Variants in CHD5 observed in about 807,000 individuals in gnomAD.
The protein encoded by CHD5 is chromodomain helicase DNA binding protein 5, also known as ATP-dependent chromatin remodeler CHD5.
A neutral mutation model predicts 230.3 loss-of-function variants in CHD5; 69 were observed. The observed-to-expected ratio is 0.30, with a 90% CI of 0.25 to 0.37. The LOEUF is 0.37. Among genes scored for constraint, CHD5 ranks in the 10% least tolerant of loss-of-function variants. The pLI is 1.00. For synonymous variants in CHD5, 1,064 were observed against 1,065.9 expected (o/e 1.00, Z 0.03); for missense variants, 1,827 against 2,622.8 (o/e 0.70, Z 6.63).
rs568751728 is a variant in CHD5 at position 6,105,204 on chromosome 1, C to T, written c.*270G>A. 2.3e-5 allele frequency: 8 copies of T among 345,490 alleles called. No homozygotes were observed. Among genetic ancestry groups the T allele is most frequent in the Admixed American group, 8.5e-5 (2 of 23,630 alleles). The allele number at this position is 345,490 out of a possible 1,614,324, so 21.4% of individuals were successfully genotyped here. ...CTAAGAAGTCGTCTGGAAAAGGTGGCGAGGGGGCACGTCCGGCGTGGTTGT... is the reference window on the plus strand; with the variant it reads ...CTAAGAAGTCGTCTGGAAAAGGTGGTGAGGGGGCACGTCCGGCGTGGTTGT... On this transcript the variant is annotated 3_prime_UTR_variant, in exon 42 of 42. Coordinates refer to ENST00000262450, the MANE Select transcript of CHD5 (RefSeq NM_015557.3). The surrounding 1 kb of genome is among the most constrained non-coding windows in gnomAD (Gnocchi z 4.8).
intron 3 of CHD5, among the ~76,000 whole-genome samples, chr1:6,158,685 T>C (rs912004568): frequency 4.6e-5 from 7 of 151,950 alleles, no homozygotes; most frequent in African/African-American, 1.7e-4. Context: ...CCCAGCACTT[T>C]GGGAGGCCAA....
At chr1:6,147,703 C>G (rs1414502843) in intron 9 of CHD5, among the ~76,000 whole-genome samples, 1 of 152,210 alleles carries the variant, frequency 6.6e-6, no homozygotes, top group African/African-American at 2.4e-5. Flanking sequence ...AGCCTGCTTT[C>G]CCATCTGTAA....
chr1:6,111,255 C>G (rs1666283079), intron 36 of CHD5, among the ~76,000 whole-genome samples: 3 of 150,136 alleles, frequency 2.0e-5, no homozygotes, highest in Admixed American at 2.0e-4. Flanking sequence ...AGAAAAAGGC[C>G]GGGTGTGGTG....
At chr1:6,140,543 C>G (rs1666811289) in intron 15 of CHD5, among the ~76,000 whole-genome samples, 1 of 152,204 alleles carries the variant, frequency 6.6e-6, no homozygotes, top group African/African-American at 2.4e-5. Flanking sequence ...TCACTTGACT[C>G]TGTGGGGTGT....
chr1:6,129,691 G>A lies in CHD5; in HGVS notation c.3387+513C>T, dbSNP rs72852012. Among the ~76,000 whole-genome samples, 714 of 152,184 alleles carry A rather than the reference G, an allele frequency of 4.7e-3. 3 individuals are homozygous for A. Among genetic ancestry groups the A allele is most frequent in the African/African-American group, 0.016 (658 of 41,524 alleles). ...ATGTGTGTGTCCCAGCGCCCGAGAGGGGTGGCCAGGTACACTAGGGTGGCT... is the reference window on the plus strand; with the variant it reads ...ATGTGTGTGTCCCAGCGCCCGAGAGAGGTGGCCAGGTACACTAGGGTGGCT... On this transcript the variant is annotated intron_variant, in intron 22 of 41. Transcript: ENST00000262450. This position sits in a 1 kb window ranked among gnomAD's most constrained non-coding sequence, Gnocchi z 6.8.
At position 6,142,366 on chromosome 1, in the gene CHD5, T is replaced by C. The variant is rs1489021949; in HGVS notation, c.2236-38A>G. On this transcript the variant is annotated intron_variant, in intron 14 of 41. Coordinates refer to ENST00000262450, the MANE Select transcript of CHD5 (RefSeq NM_015557.3). The surrounding 1 kb of genome is among the most constrained non-coding windows in gnomAD (Gnocchi z 5.2). ...GCCGATGCCGTGAGACCACCTGCCC[T>C]TGGCCAGGACCAGCCACCCCTCCTG... 1.9e-6 allele frequency: 3 copies of C among 1,596,670 alleles called. No individual in the cohort carries two copies. The highest frequency in any genetic ancestry group is 1.1e-5 in the South Asian group (1 of 89,792).
chr1:6,136,450 T>C (rs1037559196), intron 17 of CHD5, 67 bp downstream of exon 17: 38 of 1,578,286 alleles, frequency 2.4e-5, no homozygotes, highest in Non-Finnish European at 3.2e-5. Flanking sequence ...GGATGGGCTA[T>C]TGATCCGTCT....
At chr1:6,150,463 T>TGGACGGAC (rs59020358) in intron 7 of CHD5, among the ~76,000 whole-genome samples, 2 of 141,588 alleles carry the variant, frequency 1.4e-5, no homozygotes, top group African/African-American at 2.8e-5. Context: ...GATGGATGGA[T>TGGACGGAC]GGACGGACGG....
chr1:6,172,601 T>A (rs543204585), intron 1 of CHD5, among the ~76,000 whole-genome samples: 2 of 147,666 alleles, frequency 1.4e-5, no homozygotes, highest in East Asian at 4.0e-4. Flanking sequence ...TGCCACTGTT[T>A]GAACACAGGC....
rs1448798453 is a variant in CHD5, at chr1:6,102,027, C to T, written c.*3447G>A. The T allele has an allele frequency of 7.7e-6, 3 of 390,480 alleles. No homozygotes were observed. Among genetic ancestry groups the T allele is most frequent in the Non-Finnish European group, 1.5e-5 (3 of 195,470 alleles). The allele number at this position is 390,480 out of a possible 1,614,324, so 24.2% of individuals were successfully genotyped here. A position where few individuals can be genotyped will look rare whatever the true frequency, so the allele number is the denominator to read the frequency against. On this transcript the variant is annotated 3_prime_UTR_variant, in exon 42 of 42. Transcript: ENST00000262450. ...AGCCCAGGGCCCTCCCTTTGCCAGCCTGGGGCTGTGCCTGGGGAAAGGGGT... is the reference window on the plus strand; with the variant it reads ...AGCCCAGGGCCCTCCCTTTGCCAGCTTGGGGCTGTGCCTGGGGAAAGGGGT...
intron 11 of CHD5, among the ~76,000 whole-genome samples, chr1:6,144,440 G>A (rs150389253): frequency 1.6e-4 from 25 of 152,340 alleles, no homozygotes; most frequent in Middle Eastern, 3.4e-3. Context: ...AGCCTCTGTG[G>A]CAGGGATGAA....
rs1409220471 is a variant in CHD5, at chr1:6,125,857, C to T, written c.4080G>A (p.Glu1360=). 10 of 1,610,640 alleles carry T rather than the reference C, an allele frequency of 6.2e-6. No individual in the cohort carries two copies. In the Admixed American group the frequency reaches 1.5e-4, roughly 24 times the overall value. Residue 1360 remains glutamate (E), a splice_region_variant and synonymous_variant, in exon 27 of 42, where the codon GAG becomes GAA. Transcript: ENST00000262450. The surrounding 1 kb of genome is among the most constrained non-coding windows in gnomAD (Gnocchi z 6.7). ...GGTTATCAGAGAGCTCATCCTGCCACTCTGCAGGGGGCCAGACAGAGGGGC... is the reference window on the plus strand; with the variant it reads ...GGTTATCAGAGAGCTCATCCTGCCATTCTGCAGGGGGCCAGACAGAGGGGC... ...NYNDASQEDQ[E]WQDELSDNQS...
At position 6,146,774 on chromosome 1, in the gene CHD5, T is replaced by C. The variant is rs1480680099; in HGVS notation, c.1481A>G (p.Glu494Gly). 17 of 1,603,618 alleles carry C rather than the reference T, an allele frequency of 1.1e-5. No homozygotes were observed. Among genetic ancestry groups the C allele is most frequent in the Non-Finnish European group, 1.4e-5 (17 of 1,173,816 alleles). ...GGGCTTAGGTGGAGGGAGGCTGGGC[T>C]CCACGTCAGGCCCCGGCAGCCCCAC... ...FMVGLPGPDV[E>G]PSLPPPKPLE... The change falls in exon 10 of 42, where the codon GAG becomes GGG. Residue 494 changes from glutamate (E) to glycine (G), a missense_variant. Transcript: ENST00000262450. This position sits in a 1 kb window ranked among gnomAD's most constrained non-coding sequence, Gnocchi z 5.1.
chr1:6,166,349 G>C (rs1283504813), intron 2 of CHD5, among the ~76,000 whole-genome samples: 1 of 151,930 alleles, frequency 6.6e-6, no homozygotes, highest in African/African-American at 2.4e-5. Flanking sequence ...GTGGGGCACA[G>C]TCAGAGCACA....
Position 6,143,810 on chromosome 1 carries a change from C to T in CHD5, c.2043+13G>A, listed in dbSNP as rs528765032. 1 of 1,604,054 alleles carries T rather than the reference C, an allele frequency of 6.2e-7. No homozygotes were observed. The highest frequency in any genetic ancestry group is 1.1e-5 in the South Asian group (1 of 90,860). On this transcript the variant is annotated intron_variant, in intron 13 of 41. Coordinates refer to ENST00000262450, the MANE Select transcript of CHD5 (RefSeq NM_015557.3). ...GCAACCCCACCCACTGCTGCCCCACCCTCCCCACTCACGTCCACAATGGGC... is the reference window on the plus strand; with the variant it reads ...GCAACCCCACCCACTGCTGCCCCACTCTCCCCACTCACGTCCACAATGGGC...
rs1274638963 is a variant in CHD5 at position 6,102,871 on chromosome 1, C to G, written c.*2603G>C. 1 of 152,396 alleles carries G rather than the reference C, an allele frequency of 6.6e-6. No individual in the cohort carries two copies. The highest frequency in any genetic ancestry group is 1.5e-5 in the Non-Finnish European group (1 of 68,064). 9.4% of individuals were successfully genotyped at this position (152,396 alleles called of 1,614,324 possible). On this transcript the variant is annotated 3_prime_UTR_variant, in exon 42 of 42. Transcript: ENST00000262450. ...AGAGGGCCCTGCAGACGTGCTCACT[C>G]CACCCCGAGTCACCTGAGCCCATGG...
intron 1 of CHD5, among the ~76,000 whole-genome samples, chr1:6,177,103 A>G (rs1184253089): frequency 6.6e-6 from 1 of 152,234 alleles, no homozygotes; most frequent in Non-Finnish European, 1.5e-5. Flanking sequence ...AGAGTCAAAG[A>G]AAAAAGATCG....
At chr1:6,174,091 G>A (rs1466371508) in intron 1 of CHD5, among the ~76,000 whole-genome samples, 1 of 152,076 alleles carries the variant, frequency 6.6e-6, no homozygotes, top group African/African-American at 2.4e-5. Context: ...GGCATGGGTG[G>A]GGAGGAGGAG....
At chr1:6,120,844 A>G (rs1666457698) in intron 33 of CHD5, among the ~76,000 whole-genome samples, 1 of 152,048 alleles carries the variant, frequency 6.6e-6, no homozygotes, top group African/African-American at 2.4e-5. Context: ...CGGATGTTGC[A>G]GTGATCCGAG....
Sources: gnomAD v4.1 joint callset for allele counts (sites outside exome capture counted in the v4.1 genomes callset) on GRCh38, gnomAD v4.1.1 for gene constraint, Gnocchi (gnomAD v3.1) non-coding constraint, MANE v1.5 for transcripts, NCBI Gene and HGNC (gene_info 2026-07-23, HGNC 2026-07-21) for gene names.